Variants in DRC11 observed in about 807,000 individuals in gnomAD.
DRC11 encodes dynein regulatory complex subunit 11.
chr2:236,458,734 G>C, the DRC11 span, among the ~76,000 whole-genome samples: 1 of 151,826 alleles, frequency 6.6e-6, no homozygotes, highest in Non-Finnish European at 1.5e-5. Context: ...TCTCTTTCTG[G>C]CTTTCCTATA....
the DRC11 span, among the ~76,000 whole-genome samples, chr2:236,445,348 T>C: frequency 7.9e-5 from 12 of 152,216 alleles, no homozygotes; most frequent in African/African-American, 2.9e-4. The surrounding 1 kb of genome is among the most constrained non-coding windows in gnomAD (Gnocchi z 4.8). Context: ...ATTTATTTAA[T>C]TTTAGACAGA....
chr2:236,503,725 G>C, the DRC11 span: 4 of 1,546,314 alleles, frequency 2.6e-6, no homozygotes, highest in Non-Finnish European at 3.5e-6. The surrounding 1 kb of genome is among the most constrained non-coding windows in gnomAD (Gnocchi z 4.9). Context: ...CAGCTGTCCT[G>C]ATGCCTCTCC....
At chr2:236,459,526 C>T in the DRC11 span, among the ~76,000 whole-genome samples, 567 of 76,252 alleles carry the variant, frequency 7.4e-3, 10 homozygotes, top group African/African-American at 0.03. Context: ...TACATGTATA[C>T]ATGTATACGT....
chr2:236,317,359 T>C, the DRC11 span, among the ~76,000 whole-genome samples: 3 of 151,834 alleles, frequency 2.0e-5, no homozygotes, highest in East Asian at 3.9e-4. This position sits in a 1 kb window ranked among gnomAD's most constrained non-coding sequence, Gnocchi z 5.4. Flanking sequence ...GTATGGCATC[T>C]ACAAGGAGAT....
the DRC11 span, among the ~76,000 whole-genome samples, chr2:236,463,655 T>A: frequency 1.3e-5 from 2 of 152,218 alleles, no homozygotes; most frequent in African/African-American, 2.4e-5. The surrounding 1 kb of genome is among the most constrained non-coding windows in gnomAD (Gnocchi z 5.0). Flanking sequence ...AAGAAGTTTA[T>A]AGTAGTTTAG....
At chr2:236,386,777 CCTG>C in the DRC11 span, among the ~76,000 whole-genome samples, 1 of 149,334 alleles carries the variant, frequency 6.7e-6, no homozygotes. Flanking sequence ...TTGGATCTTT[CCTG>C]CTTTCTCTTG....
chr2:236,442,043 G>A, the DRC11 span, among the ~76,000 whole-genome samples: 1 of 152,130 alleles, frequency 6.6e-6, no homozygotes, highest in Non-Finnish European at 1.5e-5. Context: ...TGAGGCTGAA[G>A]TGAGCCATGA....
At chr2:236,351,881 G>A in the DRC11 span, among the ~76,000 whole-genome samples, 1 of 151,942 alleles carries the variant, frequency 6.6e-6, no homozygotes, top group South Asian at 2.1e-4. The surrounding 1 kb of genome is among the most constrained non-coding windows in gnomAD (Gnocchi z 7.3). Context: ...GGGGGTCAGT[G>A]CCAGCTGCCA....
chr2:236,492,933 T>C, the DRC11 span, among the ~76,000 whole-genome samples: 1 of 152,220 alleles, frequency 6.6e-6, no homozygotes, highest in Non-Finnish European at 1.5e-5. Flanking sequence ...GGAGGGATCT[T>C]TATGGATTAT....
At chr2:236,411,094 C>T in the DRC11 span, among the ~76,000 whole-genome samples, 1,434 of 144,124 alleles carry the variant, frequency 9.9e-3, 9 homozygotes, top group African/African-American at 0.015. Context: ...GAAACTACCA[C>T]CAGAGTGAAC....
At chr2:236,474,815 G>A in the DRC11 span, among the ~76,000 whole-genome samples, 1 of 151,510 alleles carries the variant, frequency 6.6e-6, no homozygotes, top group Non-Finnish European at 1.5e-5. Context: ...TTTTTGTTTT[G>A]TAAAATGTAG....
At chr2:236,498,650 G>A in the DRC11 span, among the ~76,000 whole-genome samples, 1 of 152,126 alleles carries the variant, frequency 6.6e-6, no homozygotes, top group Non-Finnish European at 1.5e-5. Flanking sequence ...CAAAGGCTGG[G>A]TGTGCCCTTC....
chr2:236,384,486 T>A, the DRC11 span, among the ~76,000 whole-genome samples: 1 of 152,274 alleles, frequency 6.6e-6, no homozygotes, highest in Non-Finnish European at 1.5e-5. Context: ...TCTGTTCATG[T>A]CCTTCACCCA....
At chr2:236,456,161 A>C in the DRC11 span, among the ~76,000 whole-genome samples, 1 of 152,226 alleles carries the variant, frequency 6.6e-6, no homozygotes, top group Non-Finnish European at 1.5e-5. The surrounding 1 kb of genome is among the most constrained non-coding windows in gnomAD (Gnocchi z 5.4). Context: ...GACTTCCTAT[A>C]GGTTTAACAT....
the DRC11 span, among the ~76,000 whole-genome samples, chr2:236,506,459 C>A: frequency 1.0e-3 from 154 of 152,290 alleles, no homozygotes; most frequent in South Asian, 0.012. This position sits in a 1 kb window ranked among gnomAD's most constrained non-coding sequence, Gnocchi z 4.9. Context: ...ATTTCCAAAC[C>A]CTGGCAAGCC....
chr2:236,364,047 AC>A, the DRC11 span: 2 of 1,384,852 alleles, frequency 1.4e-6, no homozygotes, highest in Non-Finnish European at 2.0e-6. Flanking sequence ...AACTAGGATA[AC>A]TCAAGGTCAA....
chr2:236,486,108 A>G, the DRC11 span, among the ~76,000 whole-genome samples: 4 of 152,172 alleles, frequency 2.6e-5, no homozygotes, highest in Admixed American at 2.6e-4. The surrounding 1 kb of genome is among the most constrained non-coding windows in gnomAD (Gnocchi z 5.7). Context: ...CAGCTGCCAT[A>G]TGGAGAAGCA....
chr2:236,487,947 C>T, the DRC11 span: 1 of 1,265,616 alleles, frequency 7.9e-7, no homozygotes, highest in Non-Finnish European at 1.0e-6. Flanking sequence ...TGAGATGTAT[C>T]TTTAGTGTAT....
chr2:236,375,309 G>C, the DRC11 span, among the ~76,000 whole-genome samples: 2 of 152,126 alleles, frequency 1.3e-5, no homozygotes, highest in Non-Finnish European at 2.9e-5. This position sits in a 1 kb window ranked among gnomAD's most constrained non-coding sequence, Gnocchi z 4.2. Flanking sequence ...TTAATAATTA[G>C]TTGAGAAGTC....
Sources: allele counts gnomAD v4.1 joint callset (sites outside exome capture counted in the v4.1 genomes callset), GRCh38; gene constraint gnomAD v4.1.1; non-coding constraint Gnocchi (gnomAD v3.1); transcripts MANE v1.5; gene names NCBI Gene and HGNC (gene_info 2026-07-23, HGNC 2026-07-21).